PIKFYVE: variants seen among roughly 807,000 people sequenced by gnomAD.
The protein encoded by PIKFYVE is phosphoinositide kinase, FYVE-type zinc finger containing.
A neutral mutation model predicts 257.9 loss-of-function variants in PIKFYVE; 122 were observed. The ratio of observed to expected loss-of-function variants is 0.47; its 90% CI spans 0.41 to 0.55. The LOEUF is 0.55. PIKFYVE is among the 20% of genes least tolerant of loss of function. The pLI, the probability that PIKFYVE is intolerant of heterozygous loss-of-function variation, is 0.00. For missense variants in PIKFYVE, 2,160 were observed against 2,536.6 expected, an observed-to-expected ratio of 0.85 and a Z score of 3.19; for synonymous variants, 892 against 868.9, an observed-to-expected ratio of 1.03 and a Z score of -0.47.
intron 16 of PIKFYVE, among the ~76,000 whole-genome samples, 176 bp downstream of exon 16, chr2:208,318,117 A>G (rs528835262): frequency 4.2e-4 from 64 of 152,306 alleles, no homozygotes; most frequent in African/African-American, 1.5e-3. Context: ...CTGAGGATGA[A>G]TGGATTGGAA....
Position 208,325,507 on chromosome 2 carries a change from A to G in PIKFYVE, c.2696A>G (p.Glu899Gly), listed in dbSNP as rs765925382. ...FHSLIEGRGH[E>G]GAVQEQYGGG... ...TCCCTGATTGAGGGACGAGGGCATG[A>G]GGGGGCTGTCCAAGAGCAGTACGGT... The change falls in exon 20 of 42, where the codon GAG becomes GGG. Residue 899 changes from glutamate (E) to glycine (G), a missense_variant. Transcript: ENST00000264380. 4.3e-6 allele frequency: 7 copies of G among 1,614,146 alleles called. No individual in the cohort carries two copies. In the East Asian group the frequency reaches 1.3e-4, roughly 31 times the overall value.
chr2:208,283,662 C>A (rs1296435382), intron 5 of PIKFYVE, among the ~76,000 whole-genome samples: 1 of 152,066 alleles, frequency 6.6e-6, no homozygotes. Context: ...CTCACTGCAG[C>A]CTCAGCTTCC....
intron 8 of PIKFYVE, 130 bp downstream of exon 8, chr2:208,298,909 C>CT: frequency 1.7e-6 from 2 of 1,171,752 alleles, no homozygotes; most frequent in South Asian, 1.3e-5. Flanking sequence ...GTGGTGTGAT[C>CT]TTGGCTCCCT....
chr2:208,275,410 C>G (rs773104872), intron 3 of PIKFYVE, among the ~76,000 whole-genome samples: 35 of 152,326 alleles, frequency 2.3e-4, no homozygotes, highest in Non-Finnish European at 1.3e-4. Context: ...GCCTGCTGCA[C>G]GGAAGCACAG....
In PIKFYVE at chr2:208,285,941, C is replaced by A. The variant is rs749668955; in HGVS notation, c.821+8C>A. 2 of 1,610,700 alleles carry A rather than the reference C, an allele frequency of 1.2e-6. No individual in the cohort carries two copies. The highest frequency in any genetic ancestry group is 1.7e-5 in the Admixed American group (1 of 59,990). On this transcript the variant is annotated splice_region_variant and intron_variant, in intron 6 of 41. Transcript: ENST00000264380. The stretch of plus-strand genomic sequence containing the variant: ...TGATTTGGCCTGGCAAAGGTATTGT[C>A]CCTTAAATATAATTTTATTTAGAGT...
chr2:208,346,707 T>A (rs1341499664), intron 34 of PIKFYVE, among the ~76,000 whole-genome samples: 1 of 152,238 alleles, frequency 6.6e-6, no homozygotes, highest in Non-Finnish European at 1.5e-5. Context: ...AAAATTCAAC[T>A]GTAAGGATTT....
chr2:208,276,773 T>G lies in PIKFYVE; in HGVS notation c.384T>G (p.Leu128=). The change falls in exon 4 of 42, where the codon CTT becomes CTG. Residue 128 remains leucine, a synonymous_variant. Coordinates refer to ENST00000264380, the MANE Select transcript of PIKFYVE (RefSeq NM_015040.4). ...ATGACCCTCGTACAGCTGTTCAGCT[T>G]CGAAGCCTCAGCACAGTATTAAAAC... ...GGHDPRTAVQ[L]RSLSTVLKRL... 6.2e-7 allele frequency: 1 copy of G among 1,613,678 alleles called. No individual in the cohort carries two copies. Among genetic ancestry groups the G allele is most frequent in the Non-Finnish European group, 8.5e-7 (1 of 1,179,678 alleles).
At position 208,312,244 on chromosome 2, in the gene PIKFYVE, A is replaced by C; in HGVS notation, c.1645A>C (p.Ile549Leu). 6.2e-7 allele frequency: 1 copy of C among 1,611,276 alleles called. No homozygotes were observed. The highest frequency in any genetic ancestry group is 8.5e-7 in the Non-Finnish European group (1 of 1,178,044). The stretch of plus-strand genomic sequence containing the variant: ...GTCTCCCTGGTATGCAGAGTATTTG[A>C]TTTCTGACACTGGAGGACAACAGCT... ...PHPADQKEYL[I>L]SDTGGQQLSI... Residue 549 changes from isoleucine to leucine, a missense_variant, in exon 13 of 42, where the codon ATT (isoleucine) becomes CTT (leucine). By Grantham distance (5) the Ile-to-Leu change is conservative. Transcript: ENST00000264380.
At position 208,328,249 on chromosome 2, in the gene PIKFYVE, A is replaced by C. The variant is rs1167901982; in HGVS notation, c.3688A>C (p.Ser1230Arg). The C allele has an allele frequency of 1.9e-6, 3 of 1,613,806 alleles. No individual in the cohort carries two copies. The highest frequency in any genetic ancestry group is 2.5e-6 in the Non-Finnish European group (3 of 1,179,884). Residue 1230 changes from serine (S) to arginine (R), a missense_variant, in exon 21 of 42, where the codon AGC becomes CGC. Transcript: ENST00000264380. ...VLFSSSSAQS[S>R]NAPSACVSPW... is the part of the protein sequence containing the mutation. ...CTTCAGCAGCTCTTCTGCCCAGTCC[A>C]GCAATGCTCCTAGTGCCTGTGTCAG...
intron 38 of PIKFYVE, among the ~76,000 whole-genome samples, chr2:208,351,686 A>G (rs1018880233): frequency 6.6e-6 from 1 of 152,114 alleles, no homozygotes; most frequent in Non-Finnish European, 1.5e-5. Flanking sequence ...TCATGGTGGA[A>G]GGCAAGGGGA....
intron 35 of PIKFYVE, 46 bp from the exon 36 acceptor site, chr2:208,349,978 T>C (rs754552960): frequency 5.6e-6 from 9 of 1,607,400 alleles, no homozygotes; most frequent in Non-Finnish European, 7.7e-6. Context: ...AATGAACTGA[T>C]AATTACTCAA....
chr2:208,273,640 C>A lies in PIKFYVE; in HGVS notation c.229C>A (p.Pro77Thr). The A allele has an allele frequency of 1.2e-6, 2 of 1,614,086 alleles. No individual in the cohort carries two copies. The highest frequency in any genetic ancestry group is 1.7e-6 in the Non-Finnish European group (2 of 1,180,026). Residue 77 changes from proline to threonine, a missense_variant, in exon 3 of 42, where the codon CCT (proline) becomes ACT (threonine). Physicochemically the swap from Pro to Thr is conservative, Grantham distance 38. This residue lies in a region of PIKFYVE where 172 missense variants were observed against 180.6 expected (regional missense o/e 0.95). Transcript: ENST00000264380. ...QQPLSGSWTS[P>T]QLPSRTQSVR... The stretch of plus-strand genomic sequence containing the variant: ...GCCTTTGAGTGGAAGTTGGACCAGC[C>A]CTCAGCTCCCTTCGAGGACACAGTC...
chr2:208,320,203 G>GATT (rs1696052467), intron 16 of PIKFYVE, 49 bp from the exon 17 acceptor site: 2 of 1,590,044 alleles, frequency 1.3e-6, no homozygotes, highest in African/African-American at 2.7e-5. Context: ...AAGGAGGGCT[G>GATT]TAAAATGCAA....
At chr2:208,352,934 C>T in intron 39 of PIKFYVE, 152 bp downstream of exon 39, 1 of 951,798 alleles carries the variant, frequency 1.1e-6, no homozygotes, top group South Asian at 1.4e-5. Context: ...CTTGCTCAGC[C>T]TTGGAGAAAG....
chr2:208,333,628 C>A, intron 24 of PIKFYVE, 135 bp downstream of exon 24: 1 of 926,554 alleles, frequency 1.1e-6, no homozygotes, highest in South Asian at 1.4e-5. Flanking sequence ...TGCAGAGGAC[C>A]AGACTGTATT....
chr2:208,321,182 TG>T (rs1696163294), intron 17 of PIKFYVE, among the ~76,000 whole-genome samples: 1 of 152,340 alleles, frequency 6.6e-6, no homozygotes, highest in African/African-American at 2.4e-5. Flanking sequence ...CCATAAATAC[TG>T]TTAATTTTAC....
intron 32 of PIKFYVE, among the ~76,000 whole-genome samples, chr2:208,344,542 A>G (rs1231472933): frequency 2.0e-5 from 3 of 152,160 alleles, no homozygotes; most frequent in Non-Finnish European, 4.4e-5. Flanking sequence ...TTTTTGTACT[A>G]TTAGGAAGTA....
chr2:208,317,759 T>C, intron 15 of PIKFYVE, 108 bp from the exon 16 acceptor site: 2 of 1,064,536 alleles, frequency 1.9e-6, no homozygotes, highest in Non-Finnish European at 1.4e-6. Flanking sequence ...TGTTCTTATT[T>C]GATTACATAA....
Position 208,304,841 on chromosome 2 carries a change from A to G in PIKFYVE, c.1469-5A>G, listed in dbSNP as rs374738432. On this transcript the variant is annotated splice_region_variant and splice_polypyrimidine_tract_variant and intron_variant, in intron 11 of 41. Transcript: ENST00000264380. ...ATATTTCTTTCCCCTTCCCAACACT[A>G]AAAGATTCTGCCAGTCCTAGCAAGC... The G allele has an allele frequency of 6.2e-5, 100 of 1,613,534 alleles. No individual in the cohort carries two copies. The African/African-American group carries it at 1.3e-3, about 20-fold the overall frequency.
Sources: allele counts gnomAD v4.1 joint callset (sites outside exome capture counted in the v4.1 genomes callset), GRCh38; gene constraint gnomAD v4.1.1; regional missense constraint gnomAD v4.1.1; transcripts MANE v1.5; gene names NCBI Gene and HGNC (gene_info 2026-07-23, HGNC 2026-07-21).